The following CCL4 variants were observed in gnomAD, a reference collection of about 807,000 sequenced individuals.
The protein encoded by CCL4 is C-C motif chemokine ligand 4, also known as C-C motif chemokine 4.
In CCL4, 8 loss-of-function variants were observed where a neutral mutation model predicts 10.3. That is an observed-to-expected ratio of 0.77 (90% CI 0.45 to 1.39). CCL4 has a LOEUF of 1.39. Among genes scored for constraint, CCL4 ranks in the 40% most tolerant of loss-of-function variants. The pLI, the probability that CCL4 is intolerant of heterozygous loss-of-function variation, is 0.00. For missense variants in CCL4, 106 were observed against 111.2 expected (o/e 0.95, Z 0.21); for synonymous variants, 35 against 44.3 (o/e 0.79, Z 0.83).
At chr17:36,104,942 A>T in intron 2 of CCL4, 1 of 704,742 alleles carries the variant, frequency 1.4e-6, no homozygotes, top group South Asian at 1.5e-5. Flanking sequence ...TGCTAGAAAG[A>T]CATGTGGAAA....
At position 36,103,948 on chromosome 17, in the gene CCL4, G is replaced by A; in HGVS notation, c.43G>A (p.Ala15Thr). ...VTVLSLLMLV[A>T]AFCSPALSAP... is the part of the protein sequence containing the mutation. ...TGTCCTGTCTCTCCTCATGCTAGTA[G>A]CTGCCTTCTGCTCTCCAGCGCTCTC... Residue 15 changes from alanine to threonine, a missense_variant, in exon 1 of 3, where the codon GCT (alanine) becomes ACT (threonine). Coordinates refer to ENST00000615863, the MANE Select transcript of CCL4 (RefSeq NM_002984.4). 6.2e-7 allele frequency: 1 copy of A among 1,613,978 alleles called. No homozygotes were observed. Among genetic ancestry groups the A allele is most frequent in the African/African-American group, 1.3e-5 (1 of 75,024 alleles).
rs528656426 is a variant in CCL4 at position 36,104,585 on chromosome 17, G to T, written c.134G>T (p.Arg45Leu). The T allele has an allele frequency of 1.0e-4, 166 of 1,613,326 alleles. 1 individual carries two copies. The South Asian group carries it at 1.5e-3, about 15-fold the overall frequency. The change falls in exon 2 of 3, where the codon CGC (arginine) becomes CTC (leucine). Residue 45 changes from arginine (R) to leucine (L), a missense_variant. Transcript: ENST00000615863. Reference sequence around the variant, plus strand: ...TCTTACACCGCGAGGAAGCTTCCTCGCAACTTTGTGGTAGATTACTATGAG... The same window carrying T: ...TCTTACACCGCGAGGAAGCTTCCTCTCAACTTTGTGGTAGATTACTATGAG... ...CFSYTARKLP[R>L]NFVVDYYETS... is the part of the protein sequence containing the mutation.
At chr17:36,104,688 T>C in intron 2 of CCL4, 46 bp downstream of exon 2, 1 of 1,611,912 alleles carries the variant, frequency 6.2e-7, no homozygotes, top group Non-Finnish European at 8.5e-7. Flanking sequence ...GGGTGAGGGC[T>C]GGATTTTAAA....
At chr17:36,104,206 G>A in intron 1 of CCL4, 1 of 722,652 alleles carries the variant, frequency 1.4e-6, no homozygotes. Context: ...TGGGCTGGAA[G>A]TCAGACTGTT....
Position 36,103,843 on chromosome 17 carries a change from G to A in CCL4, c.-63G>A, listed in dbSNP as rs2905541. On this transcript the variant is annotated 5_prime_UTR_variant, in exon 1 of 3. Transcript: ENST00000615863. ...GTCAGTATCAGCACAGGACACAGCT[G>A]GGTTCTGAAGCTTCTGAGTTCTGCA... The A allele has an allele frequency of 8.8e-5, 139 of 1,572,620 alleles. No individual in the cohort carries two copies. Among genetic ancestry groups the A allele is most frequent in the Middle Eastern group, 8.5e-4 (5 of 5,882 alleles).
At position 36,103,844 on chromosome 17, in the gene CCL4, G is replaced by T. The variant is rs1201157175; in HGVS notation, c.-62G>T. On this transcript the variant is annotated 5_prime_UTR_variant, in exon 1 of 3. Transcript: ENST00000615863. ...TCAGTATCAGCACAGGACACAGCTG[G>T]GTTCTGAAGCTTCTGAGTTCTGCAG... 7 of 1,576,970 alleles carry T rather than the reference G, an allele frequency of 4.4e-6. No individual in the cohort carries two copies. In the Admixed American group the frequency reaches 8.3e-5, roughly 19 times the overall value.
At chr17:36,104,844 G>A (rs72833526) in intron 2 of CCL4, 282,737 of 733,548 alleles carry the variant, frequency 0.39, 58,298 homozygotes, top group East Asian at 0.53. Context: ...AGAGAGAAGG[G>A]GGTTGCTGGG....
chr17:36,105,144 G>T, intron 2 of CCL4, 81 bp from the exon 3 acceptor site: 1 of 1,421,698 alleles, frequency 7.0e-7, no homozygotes, highest in South Asian at 1.1e-5. Flanking sequence ...CCATGGTCAG[G>T]CAGAGGAAGA....
chr17:36,104,931 G>A lies in CCL4; in HGVS notation c.191+289G>A, dbSNP rs567252127. 233 of 702,180 alleles carry A rather than the reference G, an allele frequency of 3.3e-4. 1 individual carries two copies. Among genetic ancestry groups the A allele is most frequent in the South Asian group, 8.9e-4 (59 of 66,284 alleles). 43.5% of individuals were successfully genotyped at this position (702,180 alleles called of 1,614,324 possible). ...GAGATATGGACCGATTCCTTAAACCGTGCTAGAAAGACATGTGGAAAAGTC... is the reference window on the plus strand; with the variant it reads ...GAGATATGGACCGATTCCTTAAACCATGCTAGAAAGACATGTGGAAAAGTC... On this transcript the variant is annotated intron_variant, in intron 2 of 2. Coordinates refer to ENST00000615863, the MANE Select transcript of CCL4 (RefSeq NM_002984.4).
At position 36,104,568 on chromosome 17, in the gene CCL4, C is replaced by T. The variant is rs1719146; in HGVS notation, c.117C>T (p.Thr39=). The T allele has an allele frequency of 1.5e-3, 2,473 of 1,612,602 alleles. 32 individuals carry two copies. The African/African-American group carries it at 0.028, about 18-fold the overall frequency. The part of the protein sequence containing the change: ...DPPTACCFSY[T]ARKLPRNFVV... ...CCACCGCCTGCTGCTTTTCTTACACCGCGAGGAAGCTTCCTCGCAACTTTG... is the reference window on the plus strand; with the variant it reads ...CCACCGCCTGCTGCTTTTCTTACACTGCGAGGAAGCTTCCTCGCAACTTTG... Residue 39 remains threonine (T), a synonymous_variant, in exon 2 of 3, where the codon ACC becomes ACT. Coordinates refer to ENST00000615863, the MANE Select transcript of CCL4 (RefSeq NM_002984.4).
At chr17:36,104,198 G>C (rs1055240031) in intron 1 of CCL4, 3 of 733,090 alleles carry the variant, frequency 4.1e-6, no homozygotes, top group African/African-American at 1.7e-5. Flanking sequence ...GAAAACGATG[G>C]GCTGGAAGTC....
At chr17:36,104,852 G>A (rs2067147933) in intron 2 of CCL4, 1 of 711,234 alleles carries the variant, frequency 1.4e-6, no homozygotes, top group Middle Eastern at 2.8e-4. Context: ...GGGGGTTGCT[G>A]GGGAGGAAGT....
Position 36,104,744 on chromosome 17 carries a change from G to A in CCL4, c.191+102G>A, listed in dbSNP as rs1328267841. The stretch of plus-strand genomic sequence containing the variant: ...GGGGTGATTGAGCATTGGGGAGGCA[G>A]CTCCCAGGGCTGAAGCCTTCCCTGA... On this transcript the variant is annotated intron_variant, in intron 2 of 2. Transcript: ENST00000615863. 3.5e-6 allele frequency: 5 copies of A among 1,425,220 alleles called. No homozygotes were observed. The East Asian group carries it at 1.2e-4, about 33-fold the overall frequency. The allele number at this position is 1,425,220 out of a possible 1,614,324, so 88.3% of individuals were successfully genotyped here.
At chr17:36,104,960 G>T in intron 2 of CCL4, 1 of 707,830 alleles carries the variant, frequency 1.4e-6, no homozygotes, top group Non-Finnish European at 2.6e-6. Flanking sequence ...AAAAGTCACT[G>T]CCAGGCTGGC....
In CCL4 at chr17:36,105,339, G is replaced by A. The variant is rs773184436; in HGVS notation, c.*27G>A. The A allele has an allele frequency of 3.7e-6, 6 of 1,610,248 alleles. No individual in the cohort carries two copies. Among genetic ancestry groups the A allele is most frequent in the African/African-American group, 1.3e-5 (1 of 74,838 alleles). On this transcript the variant is annotated 3_prime_UTR_variant, in exon 3 of 3. Coordinates refer to ENST00000615863, the MANE Select transcript of CCL4 (RefSeq NM_002984.4). ...CTGCTCAGAGACAGGAAGTCTTCAG[G>A]GAAGGTCACCTGAGCCCGGATGCTT...
At position 36,105,354 on chromosome 17, in the gene CCL4, C is replaced by T. The variant is rs776123799; in HGVS notation, c.*42C>T. ...AAGTCTTCAGGGAAGGTCACCTGAG[C>T]CCGGATGCTTCTCCATGAGACACAT... On this transcript the variant is annotated 3_prime_UTR_variant, in exon 3 of 3. Coordinates refer to ENST00000615863, the MANE Select transcript of CCL4 (RefSeq NM_002984.4). The T allele has an allele frequency of 1.3e-6, 2 of 1,586,826 alleles. No homozygotes were observed. Among genetic ancestry groups the T allele is most frequent in the African/African-American group, 2.7e-5 (2 of 74,564 alleles).
At chr17:36,104,880 A>G in intron 2 of CCL4, 1 of 688,770 alleles carries the variant, frequency 1.5e-6, no homozygotes, top group Middle Eastern at 3.1e-4. Flanking sequence ...AGGACAGGGA[A>G]GCAGGGGAAG....
At chr17:36,104,786 G>C in intron 2 of CCL4, 144 bp downstream of exon 2, 2 of 1,046,130 alleles carry the variant, frequency 1.9e-6, no homozygotes, top group Admixed American at 4.0e-5. Flanking sequence ...TGAGGACACA[G>C]GTCATGAACT....
At chr17:36,104,722 G>T (rs2067146271) in intron 2 of CCL4, 80 bp downstream of exon 2, 3 of 1,573,434 alleles carry the variant, frequency 1.9e-6, no homozygotes, top group South Asian at 1.1e-5. Flanking sequence ...TGGGGAGGGG[G>T]TGATTGAGCA....
Sources: gnomAD v4.1 joint callset for allele counts on GRCh38, gnomAD v4.1.1 for gene constraint, MANE v1.5 for transcripts, NCBI Gene and HGNC (gene_info 2026-07-23, HGNC 2026-07-21) for gene names.